Variants in KIF5B observed in about 807,000 individuals in gnomAD.
The protein encoded by KIF5B is kinesin family member 5B, also known as kinesin-1 heavy chain.
A neutral mutation model predicts 132.8 loss-of-function variants in KIF5B; 49 were observed. The ratio of observed to expected loss-of-function variants is 0.37; its 90% CI spans 0.29 to 0.47. The LOEUF is 0.47. KIF5B is among the 20% of genes least tolerant of loss of function. The pLI is 1.00. For missense variants in KIF5B, 780 were observed against 1,144.0 expected (o/e 0.68, Z 4.59); for synonymous variants, 355 against 369.4 (o/e 0.96, Z 0.45).
intron 25 of KIF5B, among the ~76,000 whole-genome samples, chr10:32,013,263 GA>G (rs755329134): frequency 4.6e-5 from 7 of 152,114 alleles, no homozygotes; most frequent in African/African-American, 7.2e-5. Flanking sequence ...GTCCAAAGGG[GA>G]AAAACACAGG....
chr10:32,041,407 A>C (rs1841537508), intron 2 of KIF5B, among the ~76,000 whole-genome samples: 1 of 151,988 alleles, frequency 6.6e-6, no homozygotes, highest in South Asian at 2.1e-4. Context: ...CTCTTGTATC[A>C]GTGTACATCT....
intron 1 of KIF5B, 122 bp downstream of exon 1, chr10:32,055,726 C>T (rs998983611): frequency 3.7e-6 from 5 of 1,350,954 alleles, no homozygotes; most frequent in Non-Finnish European, 5.0e-6. Context: ...CGGCAAACCC[C>T]GCCGGGGAGG....
intron 1 of KIF5B, among the ~76,000 whole-genome samples, chr10:32,050,874 C>T (rs1031798505): frequency 6.6e-6 from 1 of 152,186 alleles, no homozygotes; most frequent in African/African-American, 2.4e-5. Flanking sequence ...TGAAAACAAA[C>T]GTTAAGTACA....
chr10:32,013,751 G>T (rs1196745267), intron 25 of KIF5B, among the ~76,000 whole-genome samples: 3 of 152,118 alleles, frequency 2.0e-5, no homozygotes, highest in Non-Finnish European at 4.4e-5. Flanking sequence ...TAATTTTTAT[G>T]AAGTACTGTA....
chr10:32,014,016 A>T (rs1841121636), intron 25 of KIF5B, among the ~76,000 whole-genome samples: 1 of 152,244 alleles, frequency 6.6e-6, no homozygotes, highest in Non-Finnish European at 1.5e-5. Context: ...GCAACATTAA[A>T]ATAAACTAGC....
Position 32,022,197 on chromosome 10 carries a change from G to T in KIF5B, c.1975C>A (p.Gln659Lys), listed in dbSNP as rs1274166802. The T allele has an allele frequency of 6.2e-7, 1 of 1,613,506 alleles. No homozygotes were observed. ...YLQNVEQKKR[Q>K]LEESVDALSE... ...AGGGCATCGACAGATTCCTCCAACT[G>T]TCTTTTCTTTTGTTCCACATTTTGA... The change falls in exon 17 of 26, where the codon CAG becomes AAG. Residue 659 changes from glutamine to lysine, a missense_variant. By Grantham distance (53) the Gln-to-Lys change is moderately conservative (BLOSUM62 1). This residue lies in a region of KIF5B where 471 missense variants were observed against 569.9 expected (regional missense o/e 0.83). Transcript: ENST00000302418.
Position 32,035,917 on chromosome 10 carries a change from A to G in KIF5B, c.789T>C (p.Asn263=), listed in dbSNP as rs1472300141. ...NINKSLSALG[N]VISALAEGST... Reference sequence around the variant, plus strand: ...TACCCTCAGCCAAAGCAGAAATAACATTTCCAAGAGCAGAAAGTGACTTGT... The same window carrying G: ...TACCCTCAGCCAAAGCAGAAATAACGTTTCCAAGAGCAGAAAGTGACTTGT... Residue 263 remains asparagine (N), a synonymous_variant, in exon 9 of 26, where the codon AAT becomes AAC. Transcript: ENST00000302418. The G allele has an allele frequency of 8.7e-6, 14 of 1,612,410 alleles. No homozygotes were observed. Among genetic ancestry groups the G allele is most frequent in the Non-Finnish European group, 1.1e-5 (13 of 1,179,288 alleles).
rs554906386 is a variant in KIF5B at position 32,025,300 on chromosome 10, G to A, written c.1726-2264C>T. 5.3e-5 allele frequency among the ~76,000 whole-genome samples: 8 copies of A among 152,256 alleles called. No individual in the cohort carries two copies. The South Asian group carries it at 8.3e-4, about 16-fold the overall frequency. On this transcript the variant is annotated intron_variant, in intron 15 of 25. Transcript: ENST00000302418. ...CTTACAAAGCTAACATAGTCATAAC[G>A]TACAACCTAGCACTTCTAGGTATTT...
chr10:32,033,842 T>C lies in KIF5B; in HGVS notation c.1305+3A>G, dbSNP rs1354613689. On this transcript the variant is annotated splice_donor_region_variant and intron_variant, in intron 12 of 25. Transcript: ENST00000302418. ...AAGCAGACCTAAATCAAGCAATACCTACCTTGTCATCAAGCTGTTTGTATA... is the reference window on the plus strand; with the variant it reads ...AAGCAGACCTAAATCAAGCAATACCCACCTTGTCATCAAGCTGTTTGTATA... 2.5e-6 allele frequency: 4 copies of C among 1,603,808 alleles called. No homozygotes were observed. The highest frequency in any genetic ancestry group is 3.4e-6 in the Non-Finnish European group (4 of 1,171,840).
chr10:32,037,658 C>A (rs1841478495), intron 6 of KIF5B, 51 bp from the exon 7 acceptor site: 18 of 1,373,132 alleles, frequency 1.3e-5, no homozygotes, highest in Non-Finnish European at 1.7e-5. Flanking sequence ...CATGATGAAA[C>A]CCTTTCTCTA....
chr10:32,024,260 T>C (rs1045694998), intron 15 of KIF5B, among the ~76,000 whole-genome samples: 1 of 134,486 alleles, frequency 7.4e-6, no homozygotes, highest in African/African-American at 2.7e-5. Flanking sequence ...GTTCACGCCA[T>C]TCTCCTGCCT....
rs1449723905 is a variant in KIF5B at position 32,010,281 on chromosome 10, CTTACT to C, written c.*1251_*1255del. ...ACAGTTTCCTAAAATAAGCTGTTGA[CTTACT>C]TTAATCATCTGAGGAAAAAGTGGCA... is the stretch of plus-strand genomic sequence containing the variant. On this transcript the variant is annotated 3_prime_UTR_variant, in exon 26 of 26. Transcript: ENST00000302418. The C allele has an allele frequency of 2.0e-5, 3 of 152,268 alleles. No individual in the cohort carries two copies. The highest frequency in any genetic ancestry group is 1.9e-4 in the East Asian group (1 of 5,192). 9.4% of individuals were successfully genotyped at this position (152,268 alleles called of 1,614,324 possible). A position where few individuals can be genotyped will look rare whatever the true frequency, so the allele number is the denominator to read the frequency against.
At chr10:32,044,755 A>G (rs1177635172) in intron 2 of KIF5B, among the ~76,000 whole-genome samples, 2 of 152,216 alleles carry the variant, frequency 1.3e-5, no homozygotes, top group African/African-American at 2.4e-5. Flanking sequence ...AACAACTCCT[A>G]GTACCTATTT....
chr10:32,048,279 A>AT (rs536473869), intron 2 of KIF5B, among the ~76,000 whole-genome samples, 185 bp downstream of exon 2: 14 of 152,332 alleles, frequency 9.2e-5, no homozygotes, highest in African/African-American at 3.4e-4. Flanking sequence ...TAATTAGATC[A>AT]TGGAATTTGA....
intron 2 of KIF5B, among the ~76,000 whole-genome samples, chr10:32,047,376 A>G (rs2132614664): frequency 6.6e-6 from 1 of 152,126 alleles, no homozygotes; most frequent in South Asian, 2.1e-4. Flanking sequence ...TATATCCTCA[A>G]TTCTCTTGTC....
At chr10:32,024,051 TAAA>T (rs372127839) in intron 15 of KIF5B, among the ~76,000 whole-genome samples, 4 of 63,398 alleles carry the variant, frequency 6.3e-5, no homozygotes, top group Non-Finnish European at 1.2e-4. Context: ...ACGTTGAGAG[TAAA>T]AAAAAAAAAC....
rs766525964 is a variant in KIF5B, at chr10:32,040,379, G to A, written c.288+5C>T. ...CACATCTAAGTACAGATTATAAAACGTTACCTCCATTGTGTGTGTCTTCCC... is the reference window on the plus strand; with the variant it reads ...CACATCTAAGTACAGATTATAAAACATTACCTCCATTGTGTGTGTCTTCCC... On this transcript the variant is annotated splice_donor_5th_base_variant and intron_variant, in intron 3 of 25. Transcript: ENST00000302418. 14 of 1,554,288 alleles carry A rather than the reference G, an allele frequency of 9.0e-6. No individual in the cohort carries two copies. Among genetic ancestry groups the A allele is most frequent in the African/African-American group, 8.1e-5 (6 of 73,634 alleles).
At chr10:32,032,822 T>C (rs752527727) in intron 12 of KIF5B, 48 bp from the exon 13 acceptor site, 5 of 1,406,100 alleles carry the variant, frequency 3.6e-6, no homozygotes, top group Non-Finnish European at 4.0e-6. Flanking sequence ...AACCTGGTTC[T>C]AGTTGTTTCC....
At chr10:32,028,866 G>A (rs1168656750) in intron 14 of KIF5B, among the ~76,000 whole-genome samples, 1 of 152,092 alleles carries the variant, frequency 6.6e-6, no homozygotes, top group Admixed American at 6.6e-5. Context: ...AAAATGGGAA[G>A]CCTCAAATTT....
Sources: allele counts gnomAD v4.1 joint callset (sites outside exome capture counted in the v4.1 genomes callset), GRCh38; gene constraint gnomAD v4.1.1; regional missense constraint gnomAD v4.1.1; transcripts MANE v1.5; gene names NCBI Gene and HGNC (gene_info 2026-07-23, HGNC 2026-07-21).